MTTP: variants seen among roughly 807,000 people sequenced by gnomAD.
MTTP encodes microsomal triglyceride transfer protein large subunit.
MTTP carries 49 observed loss-of-function variants against 90.6 expected under a neutral mutation model. That is an observed-to-expected ratio of 0.54 (90% CI 0.43 to 0.69). The LOEUF is 0.69. Ranked by LOEUF, MTTP falls within the 30% of genes least tolerant of loss-of-function variation. The pLI is 0.00. For missense variants in MTTP, 945 were observed against 1,067.5 expected (o/e 0.89, Z 1.60); for synonymous variants, 347 against 384.2 (o/e 0.90, Z 1.13).
upstream of MTTP, chr4:99,570,571 A>G (rs1724819527): frequency 1.3e-5 from 5 of 395,436 alleles, no homozygotes; most frequent in Non-Finnish European, 2.5e-5. Context: ...ATAGGCAGAC[A>G]ATGGCTCCCC....
At chr4:99,603,830 A>G (rs1341929198) in intron 10 of MTTP, among the ~76,000 whole-genome samples, 3 of 152,130 alleles carry the variant, frequency 2.0e-5, no homozygotes, top group African/African-American at 7.2e-5. Flanking sequence ...ACCTTCAAAG[A>G]GACTGGGGTT....
chr4:99,566,685 G>A (rs1458953536), intron 1 of MTTP, among the ~76,000 whole-genome samples: 2 of 152,276 alleles, frequency 1.3e-5, no homozygotes, highest in African/African-American at 4.8e-5. Flanking sequence ...TATTTTGTTT[G>A]TTTTAAAATA....
In MTTP at chr4:99,575,300, A is replaced by T. The variant is rs917264384; in HGVS notation, c.61+330A>T. On this transcript the variant is annotated intron_variant, in intron 1 of 17. Coordinates refer to ENST00000265517, the MANE Select transcript of MTTP (RefSeq NM_001386140.1). ...CTATTGTTACCTGCTGTTGTTGGTC[A>T]CATTGAATGCAGCTCCTTCATTTGA... 2.4e-4 allele frequency among the ~76,000 whole-genome samples: 36 copies of T among 152,322 alleles called. 1 individual carries two copies. The highest frequency in any genetic ancestry group is 7.2e-4 in the African/African-American group (30 of 41,584).
chr4:99,603,858 A>G (rs898322871), intron 10 of MTTP, among the ~76,000 whole-genome samples: 8 of 152,166 alleles, frequency 5.3e-5, no homozygotes, highest in African/African-American at 1.9e-4. Flanking sequence ...AAAGTCATGT[A>G]GCATAAGGAA....
chr4:99,621,525 C>A (rs1416755402), intron 17 of MTTP, among the ~76,000 whole-genome samples: 1 of 152,080 alleles, frequency 6.6e-6, no homozygotes, highest in African/African-American at 2.4e-5. Flanking sequence ...ATAGGAGTTG[C>A]CACATAGTTT....
At position 99,622,764 on chromosome 4, in the gene MTTP, A is replaced by G; in HGVS notation, c.2601A>G (p.Glu867=). 1 of 1,614,070 alleles carries G rather than the reference A, an allele frequency of 6.2e-7. No homozygotes were observed. Among genetic ancestry groups the G allele is most frequent in the Non-Finnish European group, 8.5e-7 (1 of 1,179,922 alleles). ...AAGAAAGCGTATTAGCAGGATGTGA[A>G]TTCCCGCTCCATCAAGAGAACTCAG... ...KRKESVLAGC[E]FPLHQENSEM... is the part of the protein sequence containing the mutation. The change falls in exon 18 of 18, where the codon GAA becomes GAG. Residue 867 remains glutamate, a synonymous_variant. Transcript: ENST00000265517.
chr4:99,596,976 A>C, intron 7 of MTTP, 91 bp from the exon 8 acceptor site: 1 of 1,565,508 alleles, frequency 6.4e-7, no homozygotes, highest in Admixed American at 1.7e-5. Flanking sequence ...TTCAGACACA[A>C]GGGACATTTT....
chr4:99,568,987 T>C (rs1724770804), intron 1 of MTTP, among the ~76,000 whole-genome samples: 1 of 152,054 alleles, frequency 6.6e-6, no homozygotes, highest in Admixed American at 6.5e-5. Context: ...AACTCCTCAC[T>C]CCATAAATGT....
chr4:99,568,285 C>A (rs1397989608), intron 1 of MTTP, among the ~76,000 whole-genome samples: 1 of 152,008 alleles, frequency 6.6e-6, no homozygotes, highest in Non-Finnish European at 1.5e-5. Context: ...AAGACGCTCA[C>A]TAAACTAATA....
chr4:99,590,536 G>T lies in MTTP; in HGVS notation c.502-699G>T, dbSNP rs60791848. On this transcript the variant is annotated intron_variant, in intron 4 of 17. Transcript: ENST00000265517. ...CTTCCAGTATCATACCTGGAGTCAA[G>T]GCTGGAGTCCAAGTTTCTTAGACTG... Among the ~76,000 whole-genome samples the T allele has an allele frequency of 8.5e-3, 1,288 of 152,276 alleles. 8 individuals are homozygous for T. The highest frequency in any genetic ancestry group is 0.029 in the African/African-American group (1,219 of 41,554).
chr4:99,580,577 A>AAAAAAAAAAAAAAAAAAC (rs1725081372), intron 1 of MTTP, among the ~76,000 whole-genome samples: 1 of 107,462 alleles, frequency 9.3e-6, no homozygotes, highest in Non-Finnish European at 1.7e-5. Flanking sequence ...TCTGTCTCAA[A>AAAAAAAAAAAAAAAAAAC]AAAAAAAAAA....
intron 12 of MTTP, among the ~76,000 whole-genome samples, chr4:99,610,006 A>G (rs56291001): frequency 0.027 from 4,183 of 152,298 alleles, 81 homozygotes; most frequent in South Asian, 0.074. Context: ...AGAACAGACT[A>G]GAAATTGTGA....
chr4:99,574,064 A>G (rs1304147434), upstream of MTTP, among the ~76,000 whole-genome samples: 3 of 152,240 alleles, frequency 2.0e-5, no homozygotes, highest in African/African-American at 7.2e-5. Flanking sequence ...TAGCAAAAGA[A>G]CTAAGATCTG....
At position 99,601,692 on chromosome 4, in the gene MTTP, A is replaced by G. The variant is rs1375224683; in HGVS notation, c.1322A>G (p.Gln441Arg). 1 of 1,612,642 alleles carries G rather than the reference A, an allele frequency of 6.2e-7. No homozygotes were observed. The highest frequency in any genetic ancestry group is 8.5e-7 in the Non-Finnish European group (1 of 1,178,970). The stretch of plus-strand genomic sequence containing the variant: ...GGGACACTTGTCAGAAAGTTGTGTC[A>G]GAATGAAGGCTGCAAACTCAAAGTA... ...ITGTLVRKLC[Q>R]NEGCKLKAVV... Residue 441 changes from glutamine to arginine, a missense_variant, in exon 10 of 18, where the codon CAG (glutamine) becomes CGG (arginine). By Grantham distance (43) the Gln-to-Arg change is conservative (BLOSUM62 1). Transcript: ENST00000265517.
At position 99,606,920 on chromosome 4, in the gene MTTP, C is replaced by G. The variant is rs1171747914; in HGVS notation, c.1517C>G (p.Thr506Ser). The part of the protein sequence containing the change: ...GEGPISHLAT[T>S]ALQRYDLPFI... ...GGGCCCATCAGCCACCTGGCTACCA[C>G]TGCTCTCCAGAGATATGATCTCCCT... is the stretch of plus-strand genomic sequence containing the variant. The change falls in exon 11 of 18, where the codon ACT (threonine) becomes AGT (serine). Residue 506 changes from threonine to serine, a missense_variant. Transcript: ENST00000265517. The G allele has an allele frequency of 6.2e-7, 1 of 1,613,860 alleles. No individual in the cohort carries two copies. The highest frequency in any genetic ancestry group is 1.1e-5 in the South Asian group (1 of 91,062).
At chr4:99,614,881 C>T (rs1726060228) in intron 15 of MTTP, among the ~76,000 whole-genome samples, 1 of 152,084 alleles carries the variant, frequency 6.6e-6, no homozygotes, top group Non-Finnish European at 1.5e-5. Flanking sequence ...TTGTTTCTGT[C>T]AATACAAATG....
At chr4:99,583,838 A>C in intron 3 of MTTP, 1 of 486,986 alleles carries the variant, frequency 2.1e-6, no homozygotes, top group East Asian at 3.5e-5. Context: ...GTAATGTAAC[A>C]AAGCAAGTCA....
intron 1 of MTTP, 147 bp from the exon 2 acceptor site, chr4:99,581,758 A>T: frequency 6.4e-6 from 5 of 780,898 alleles, no homozygotes; most frequent in Non-Finnish European, 1.1e-5. Context: ...CAAGTCAATG[A>T]TTTCAGCAGA....
At chr4:99,572,771 C>T (rs932518377), upstream of MTTP, among the ~76,000 whole-genome samples, 5 of 151,858 alleles carry the variant, frequency 3.3e-5, no homozygotes, top group East Asian at 1.9e-4. Context: ...CATACTTCTT[C>T]GATACACAGA....
Sources: allele counts gnomAD v4.1 joint callset (sites outside exome capture counted in the v4.1 genomes callset), GRCh38; gene constraint gnomAD v4.1.1; transcripts MANE v1.5; gene names NCBI Gene and HGNC (gene_info 2026-07-23, HGNC 2026-07-21).